SNRPB: variants seen among roughly 807,000 people sequenced by gnomAD.
SNRPB encodes the protein small nuclear ribonucleoprotein-associated proteins B and B'.
In SNRPB, 5 loss-of-function variants were observed where a neutral mutation model predicts 26.6. That is an observed-to-expected ratio of 0.19 (90% CI 0.10 to 0.39). The LOEUF (loss-of-function observed/expected upper bound fraction) is 0.39, where lower values mean the gene tolerates loss of function less well. Among genes scored for constraint, SNRPB ranks in the 10% least tolerant of loss-of-function variants. The pLI is 1.00. For synonymous variants in SNRPB, 122 were observed against 105.8 expected, an observed-to-expected ratio of 1.15 and a Z score of -0.94; for missense variants, 211 against 311.9, an observed-to-expected ratio of 0.68 and a Z score of 2.44.
intron 3 of SNRPB, among the ~76,000 whole-genome samples, chr20:2,464,218 G>C (rs758674322): frequency 6.6e-6 from 1 of 152,214 alleles, no homozygotes; most frequent in Non-Finnish European, 1.5e-5. Context: ...AGGCATTAAA[G>C]GGACATGAGA....
chr20:2,464,914 G>A (rs552968353), intron 3 of SNRPB, among the ~76,000 whole-genome samples: 56 of 151,720 alleles, frequency 3.7e-4, no homozygotes, highest in Admixed American at 1.1e-3. Flanking sequence ...ATGAAAAAGG[G>A]AAAGGGAAAA....
At chr20:2,467,576 C>T (rs2085082867) in intron 2 of SNRPB, 31 bp downstream of exon 2, 1 of 1,605,838 alleles carries the variant, frequency 6.2e-7, no homozygotes, top group South Asian at 1.1e-5. Flanking sequence ...TCCCATCCTC[C>T]AGTCTCCGCC....
chr20:2,465,244 G>A (rs1171091617), intron 3 of SNRPB, among the ~76,000 whole-genome samples: 2 of 152,132 alleles, frequency 1.3e-5, no homozygotes, highest in Admixed American at 1.3e-4. Context: ...AGGCTTTGTC[G>A]TCACATTAAG....
At chr20:2,470,266 C>T (rs2085104160) in intron 1 of SNRPB, among the ~76,000 whole-genome samples, 1 of 145,706 alleles carries the variant, frequency 6.9e-6, no homozygotes. Flanking sequence ...GAGCCCCTTC[C>T]ACCCACTTCC....
At position 2,465,248 on chromosome 20, in the gene SNRPB, C is replaced by T. The variant is rs1458400315; in HGVS notation, c.267+460G>A. ...AAGGTCTACCTAGGCTTTGTCGTCA[C>T]ATTAAGAACTGACCCAGATGGCTTC... is the stretch of plus-strand genomic sequence containing the variant. On this transcript the variant is annotated intron_variant, in intron 3 of 6. Transcript: ENST00000381342. Among the ~76,000 whole-genome samples, 6 of 152,216 alleles carry T rather than the reference C, an allele frequency of 3.9e-5. No individual in the cohort carries two copies. In the East Asian group the frequency reaches 1.2e-3, roughly 29 times the overall value.
At chr20:2,462,507 C>A in intron 6 of SNRPB, 129 bp downstream of exon 6, 2 of 911,370 alleles carry the variant, frequency 2.2e-6, no homozygotes, top group South Asian at 2.7e-5. Context: ...TCTTCTCTTT[C>A]CTTTCTGGAT....
intron 3 of SNRPB, among the ~76,000 whole-genome samples, chr20:2,464,528 A>G (rs371456192): frequency 6.6e-6 from 1 of 152,238 alleles, no homozygotes; most frequent in Admixed American, 6.5e-5. Context: ...ACTACTCTGT[A>G]CTCATTTGAG....
Position 2,470,744 on chromosome 20 carries a change from A to T in SNRPB, c.-54T>A, listed in dbSNP as rs1368881659. ...GCCGGATTCGCCTCCTCAGAGGCCT[A>T]GCCTCTCTCCCACAGCCGATTTCCC... On this transcript the variant is annotated 5_prime_UTR_variant, in exon 1 of 7. Coordinates refer to ENST00000381342, the MANE Select transcript of SNRPB (RefSeq NM_003091.4). 6 of 1,605,716 alleles carry T rather than the reference A, an allele frequency of 3.7e-6. No individual in the cohort carries two copies. The highest frequency in any genetic ancestry group is 5.1e-6 in the Non-Finnish European group (6 of 1,175,560).
At chr20:2,470,575 G>A in intron 1 of SNRPB, 113 bp downstream of exon 1, 1 of 1,354,892 alleles carries the variant, frequency 7.4e-7, no homozygotes, top group Non-Finnish European at 1.0e-6. Flanking sequence ...CCTCGGCCCA[G>A]GCCTTCACCG....
intron 2 of SNRPB, among the ~76,000 whole-genome samples, chr20:2,466,323 A>C (rs1229998769): frequency 6.6e-6 from 1 of 152,254 alleles, no homozygotes; most frequent in African/African-American, 2.4e-5. Context: ...GAAAAGGTTA[A>C]GAGAAATTTC....
Position 2,467,607 on chromosome 20 carries a change from T to G in SNRPB, c.155A>C (p.Lys52Thr). ...LCDCDEFRKI[K>T]PKNSKQAERE... ...CCGCCCCCCACAGTCCACTCCTCAC[T>G]TGATCTTTCTGAACTCATCACAGTC... The change falls in exon 2 of 7, where the codon AAG (lysine) becomes ACG (threonine). Residue 52 changes from lysine to threonine, a missense_variant and splice_region_variant. Lys to Thr is a moderately conservative substitution (Grantham distance 78). Transcript: ENST00000381342. 6.2e-7 allele frequency: 1 copy of G among 1,613,928 alleles called. No homozygotes were observed. Among genetic ancestry groups the G allele is most frequent in the Non-Finnish European group, 8.5e-7 (1 of 1,179,858 alleles).
chr20:2,470,432 G>A (rs1287657096), intron 1 of SNRPB, among the ~76,000 whole-genome samples: 1 of 152,226 alleles, frequency 6.6e-6, no homozygotes, highest in Non-Finnish European at 1.5e-5. Flanking sequence ...GGCTACAGCG[G>A]TGTCGAGAGC....
At position 2,461,950 on chromosome 20, in the gene SNRPB, A is replaced by T; in HGVS notation, c.686-11T>A. The T allele has an allele frequency of 6.2e-7, 1 of 1,608,332 alleles. No homozygotes were observed. On this transcript the variant is annotated splice_polypyrimidine_tract_variant and intron_variant, in intron 6 of 6. Transcript: ENST00000381342. ...AGGGTCAAAGAAGGCCTGAAGTAAG[A>T]GTAAGAAGTTTAGTCAGTGCCTGAT...
chr20:2,461,889 A>G lies in SNRPB; in HGVS notation c.*40T>C. 1.2e-6 allele frequency: 2 copies of G among 1,614,044 alleles called. No individual in the cohort carries two copies. The highest frequency in any genetic ancestry group is 1.7e-6 in the Non-Finnish European group (2 of 1,179,962). On this transcript the variant is annotated 3_prime_UTR_variant, in exon 7 of 7. Coordinates refer to ENST00000381342, the MANE Select transcript of SNRPB (RefSeq NM_003091.4). Reference sequence around the variant, plus strand: ...AACGTGGCCCTGAGGAATCGAGCCCACGCCTCTGCGGAGCTACTTCCATAC... The same window carrying G: ...AACGTGGCCCTGAGGAATCGAGCCCGCGCCTCTGCGGAGCTACTTCCATAC...
Position 2,470,728 on chromosome 20 carries a change from G to T in SNRPB, c.-38C>A. 1 of 1,611,290 alleles carries T rather than the reference G, an allele frequency of 6.2e-7. No individual in the cohort carries two copies. On this transcript the variant is annotated 5_prime_UTR_variant, in exon 1 of 7. Coordinates refer to ENST00000381342, the MANE Select transcript of SNRPB (RefSeq NM_003091.4). ...GATGGCTCTGATACCCGCCGGATTC[G>T]CCTCCTCAGAGGCCTAGCCTCTCTC...
chr20:2,466,881 C>T (rs901297814), intron 2 of SNRPB, among the ~76,000 whole-genome samples: 2 of 152,098 alleles, frequency 1.3e-5, no homozygotes, highest in African/African-American at 4.8e-5. Flanking sequence ...AAGAAATCAG[C>T]CCCAAGGAGA....
chr20:2,469,470 T>A (rs1054996988), intron 1 of SNRPB, among the ~76,000 whole-genome samples: 3 of 152,010 alleles, frequency 2.0e-5, no homozygotes, highest in African/African-American at 7.3e-5. Flanking sequence ...GGTGGGTGGA[T>A]TAACTGAGGT....
Position 2,461,882 on chromosome 20 carries a change from C to A in SNRPB, c.*47G>T, listed in dbSNP as rs201957068. The A allele has an allele frequency of 2.5e-6, 4 of 1,613,884 alleles. No homozygotes were observed. The highest frequency in any genetic ancestry group is 1.1e-5 in the South Asian group (1 of 91,070). On this transcript the variant is annotated 3_prime_UTR_variant, in exon 7 of 7. Coordinates refer to ENST00000381342, the MANE Select transcript of SNRPB (RefSeq NM_003091.4). ...CTGTGGTAACGTGGCCCTGAGGAATCGAGCCCACGCCTCTGCGGAGCTACT... is the reference window on the plus strand; with the variant it reads ...CTGTGGTAACGTGGCCCTGAGGAATAGAGCCCACGCCTCTGCGGAGCTACT...
rs1162319599 is a variant in SNRPB at position 2,461,938 on chromosome 20, G to T, written c.687C>A (p.Gly229=). ...GMRPPPPGMR[G]LL ...ACTCTGTGGCCAAGGGTCAAAGAAG[G>T]CCTGAAGTAAGAGTAAGAAGTTTAG... The change falls in exon 7 of 7, where the codon GGC becomes GGA. Residue 229 remains glycine, a splice_region_variant and synonymous_variant. Coordinates refer to ENST00000381342, the MANE Select transcript of SNRPB (RefSeq NM_003091.4). The T allele has an allele frequency of 6.2e-7, 1 of 1,610,614 alleles. No individual in the cohort carries two copies. The highest frequency in any genetic ancestry group is 8.5e-7 in the Non-Finnish European group (1 of 1,178,642).
Sources: allele counts gnomAD v4.1 joint callset (sites outside exome capture counted in the v4.1 genomes callset), GRCh38; gene constraint gnomAD v4.1.1; transcripts MANE v1.5; gene names NCBI Gene and HGNC (gene_info 2026-07-23, HGNC 2026-07-21).